The following NR4A1 variants were observed in gnomAD, a reference collection of about 807,000 sequenced individuals.
NR4A1 encodes nuclear receptor subfamily 4 group A member 1.
A neutral mutation model predicts 47.5 loss-of-function variants in NR4A1; 24 were observed. The ratio of observed to expected loss-of-function variants is 0.50; its 90% confidence interval spans 0.37 to 0.71. NR4A1 has a LOEUF of 0.71. Among genes scored for constraint, NR4A1 ranks in the 30% least tolerant of loss-of-function variants. The pLI, the probability that NR4A1 is intolerant of heterozygous loss-of-function variation, is 0.00. For missense variants in NR4A1, 669 were observed against 788.6 expected (o/e 0.85, Z 1.82); for synonymous variants, 353 against 345.7 (o/e 1.02, Z -0.24).
At chr12:52,031,498 T>G (rs1938126318) in intron 1 of NR4A1, among the ~76,000 whole-genome samples, 1 of 151,466 alleles carries the variant, frequency 6.6e-6, no homozygotes, top group African/African-American at 2.4e-5. Flanking sequence ...TTAGCCAGGT[T>G]TGGTGGCATG....
chr12:52,055,551 A>C, intron 2 of NR4A1: 1 of 533,986 alleles, frequency 1.9e-6, no homozygotes, highest in Non-Finnish European at 3.3e-6. Context: ...GGGTGCCCCC[A>C]GGCTCTCATG....
upstream of NR4A1, among the ~76,000 whole-genome samples, chr12:52,048,175 CAAAAA>C (rs755974918): frequency 6.6e-6 from 1 of 151,526 alleles, no homozygotes; most frequent in Non-Finnish European, 1.5e-5. Context: ...AAACAAAAAA[CAAAAA>C]AAGAGCTAGC....
At chr12:52,030,461 C>T (rs1382926421) in intron 1 of NR4A1, among the ~76,000 whole-genome samples, 1 of 152,192 alleles carries the variant, frequency 6.6e-6, no homozygotes, top group African/African-American at 2.4e-5. Flanking sequence ...CGGAGTCTTG[C>T]TCTGCTGCCC....
At chr12:52,044,002 G>A in intron 2 of NR4A1, 3 of 1,150,800 alleles carry the variant, frequency 2.6e-6, no homozygotes, top group African/African-American at 1.6e-5. Context: ...CTTTGGCCTT[G>A]GGCTGCGGGG....
chr12:52,024,320 A>C (rs1452323400), intron 1 of NR4A1, among the ~76,000 whole-genome samples: 1 of 152,240 alleles, frequency 6.6e-6, no homozygotes, highest in African/African-American at 2.4e-5. Context: ...TATAAAATAT[A>C]CATATACGTA....
At chr12:52,052,317 G>GAGAGAGAGAGAGAGAGAGAGAGAGAA (rs1939021815) in intron 1 of NR4A1, among the ~76,000 whole-genome samples, 1 of 150,974 alleles carries the variant, frequency 6.6e-6, no homozygotes, top group African/African-American at 2.5e-5. Context: ...GAGAGAGAGA[G>GAGAGAGAGAGAGAGAGAGAGAGAGAA]AGAGAGAGAG....
chr12:52,057,578 G>A (rs779649464), intron 6 of NR4A1, 48 bp downstream of exon 6: 4 of 1,602,590 alleles, frequency 2.5e-6, no homozygotes, highest in Non-Finnish European at 3.4e-6. Flanking sequence ...GCGTCAGGGG[G>A]TTGACTGGTT....
In NR4A1 at chr12:52,058,776, G is replaced by A. The variant is rs149369999; in HGVS notation, c.1629G>A (p.Ala543=). Residue 543 remains alanine (A), a synonymous_variant, in exon 7 of 7, where the codon GCG becomes GCA. Transcript: ENST00000394825. ...SCLKEHVAAV[A]GEPQPASCLS... The stretch of plus-strand genomic sequence containing the variant: ...TGAAGGAGCACGTGGCAGCTGTGGC[G>A]GGCGAGCCCCAGCCAGCCAGCTGCC... 7 of 1,610,796 alleles carry A rather than the reference G, an allele frequency of 4.3e-6. No homozygotes were observed. The highest frequency in any genetic ancestry group is 4.0e-5 in the African/African-American group (3 of 74,864).
At position 52,058,746 on chromosome 12, in the gene NR4A1, C is replaced by T. The variant is rs1161852511; in HGVS notation, c.1599C>T (p.Ser533=). 1 of 1,612,262 alleles carries T rather than the reference C, an allele frequency of 6.2e-7. No individual in the cohort carries two copies. The highest frequency in any genetic ancestry group is 8.5e-7 in the Non-Finnish European group (1 of 1,179,470). Residue 533 remains serine, a synonymous_variant, in exon 7 of 7, where the codon AGC becomes AGT. Transcript: ENST00000394825. ...RVEELQNRIA[S]CLKEHVAAVA... ...AGGAGCTGCAGAACCGCATCGCCAGCTGCCTGAAGGAGCACGTGGCAGCTG... is the reference window on the plus strand; with the variant it reads ...AGGAGCTGCAGAACCGCATCGCCAGTTGCCTGAAGGAGCACGTGGCAGCTG...
At chr12:52,058,493 A>G (rs1417635231) in intron 6 of NR4A1, 195 bp from the exon 7 acceptor site, 5 of 678,006 alleles carry the variant, frequency 7.4e-6, no homozygotes, top group South Asian at 2.1e-5. Flanking sequence ...CACTTGGAGT[A>G]TGAGGATAAT....
At chr12:52,032,289 G>A (rs1010344589) in intron 1 of NR4A1, among the ~76,000 whole-genome samples, 4 of 152,190 alleles carry the variant, frequency 2.6e-5, no homozygotes, top group African/African-American at 9.7e-5. Flanking sequence ...TAAAAAGGCA[G>A]AGGAAGGGCA....
intron 2 of NR4A1, chr12:52,043,949 G>C: frequency 7.8e-7 from 1 of 1,286,062 alleles, no homozygotes; most frequent in Non-Finnish European, 1.0e-6. Flanking sequence ...AATGGGAGCT[G>C]GGCTGTTTGG....
At chr12:52,057,285 G>A (rs1277807153) in intron 5 of NR4A1, 26 bp downstream of exon 5, 3 of 1,613,404 alleles carry the variant, frequency 1.9e-6, no homozygotes, top group Non-Finnish European at 1.7e-6. Flanking sequence ...TGTCTGCCCA[G>A]CCCCTTTCCC....
At chr12:52,029,747 C>G (rs904959936) in intron 1 of NR4A1, among the ~76,000 whole-genome samples, 2 of 152,182 alleles carry the variant, frequency 1.3e-5, no homozygotes, top group East Asian at 3.8e-4. Flanking sequence ...AATACCTACC[C>G]CTCTGCCATA....
chr12:52,037,575 G>A (rs969368230), intron 1 of NR4A1: 4 of 982,952 alleles, frequency 4.1e-6, no homozygotes, highest in Non-Finnish European at 3.6e-6. Flanking sequence ...TCGGGGGGGG[G>A]ACTGGATTCC....
chr12:52,045,612 C>A, intron 2 of NR4A1: 1 of 441,786 alleles, frequency 2.3e-6, no homozygotes, highest in Non-Finnish European at 4.6e-6. Flanking sequence ...GATGAGGAAG[C>A]AGTCTTGGAG....
At chr12:52,049,338 T>G (rs149680724), upstream of NR4A1, among the ~76,000 whole-genome samples, 835 of 152,318 alleles carry the variant, frequency 5.5e-3, 7 homozygotes, top group African/African-American at 0.019. Flanking sequence ...GGGTCAACTG[T>G]GTATGAAGAC....
At chr12:52,034,068 G>A (rs75673095) in intron 1 of NR4A1, among the ~76,000 whole-genome samples, 4,027 of 152,286 alleles carry the variant, frequency 0.026, 108 homozygotes, top group African/African-American at 0.065. Context: ...CCTGGGTCCT[G>A]TGGCTTACCT....
rs767644250 is a variant in NR4A1, at chr12:52,054,609, C to T, written c.281C>T (p.Thr94Ile). 8 of 1,614,192 alleles carry T rather than the reference C, an allele frequency of 5.0e-6. No homozygotes were observed. The highest frequency in any genetic ancestry group is 6.8e-6 in the Non-Finnish European group (8 of 1,180,026). Residue 94 changes from threonine (T) to isoleucine (I), a missense_variant, in exon 2 of 7, where the codon ACC becomes ATC. Coordinates refer to ENST00000394825, the MANE Select transcript of NR4A1 (RefSeq NM_173157.3). Reference protein sequence around the residue: ...SASSTSSSSATSPASASFKFE... With the variant: ...SASSTSSSSAISPASASFKFE... ...TCCTCCACATCCTCGTCCTCAGCCA[C>T]CTCCCCTGCCTCTGCCTCCTTCAAG... is the stretch of plus-strand genomic sequence containing the variant.
Sources: allele counts gnomAD v4.1 joint callset (sites outside exome capture counted in the v4.1 genomes callset), GRCh38; gene constraint gnomAD v4.1.1; transcripts MANE v1.5; gene names NCBI Gene and HGNC (gene_info 2026-07-23, HGNC 2026-07-21).